KCNMB3: variants seen among roughly 807,000 people sequenced by gnomAD.
KCNMB3 encodes potassium calcium-activated channel subfamily M regulatory beta subunit 3.
KCNMB3 carries 18 observed loss-of-function variants against 11.9 expected under a neutral mutation model. That is an observed-to-expected ratio of 1.51 (90% confidence interval 1.04 to 2.23). The LOEUF is 2.23. Ranked by LOEUF, KCNMB3 falls within the 30% of genes most tolerant of loss-of-function variation. The pLI is 0.00. For synonymous variants in KCNMB3, 78 were observed against 119.2 expected (o/e 0.65, Z 2.25); for missense variants, 247 against 329.4 (o/e 0.75, Z 1.94).
At chr3:179,248,864 T>TA (rs1485082179) in intron 1 of KCNMB3, among the ~76,000 whole-genome samples, 9 of 151,966 alleles carry the variant, frequency 5.9e-5, no homozygotes, top group African/African-American at 2.2e-4. Flanking sequence ...TAAGCTAGAA[T>TA]AGCCAGGCAC....
At chr3:179,254,637 C>G (rs567882772), upstream of KCNMB3, among the ~76,000 whole-genome samples, 1 of 151,864 alleles carries the variant, frequency 6.6e-6, no homozygotes, top group Non-Finnish European at 1.5e-5. Context: ...GGTGAGAAAC[C>G]CTATCTCTAC....
intron 1 of KCNMB3, among the ~76,000 whole-genome samples, chr3:179,264,179 TTAACA>T (rs1376939631): frequency 1.3e-5 from 2 of 152,218 alleles, no homozygotes; most frequent in Admixed American, 6.5e-5. Context: ...TCTTTTTCAC[TTAACA>T]TAATAAGCAC....
At chr3:179,260,120 A>G in intron 1 of KCNMB3, 1 of 1,604,914 alleles carries the variant, frequency 6.2e-7, no homozygotes, top group Non-Finnish European at 8.5e-7. Context: ...GCCCTAAAGG[A>G]CATGAGGCCA....
upstream of KCNMB3, among the ~76,000 whole-genome samples, chr3:179,253,744 T>C (rs1051465354): frequency 9.9e-5 from 15 of 151,886 alleles, no homozygotes; most frequent in Non-Finnish European, 2.1e-4. Flanking sequence ...TGGCAGAGGT[T>C]GCAGTGAGCC....
intron 1 of KCNMB3, among the ~76,000 whole-genome samples, chr3:179,266,140 T>C (rs950947962): frequency 1.3e-5 from 2 of 152,132 alleles, no homozygotes; most frequent in African/African-American, 4.8e-5. Flanking sequence ...AGAAGTTAAG[T>C]GACTTGCCCA....
intron 1 of KCNMB3, among the ~76,000 whole-genome samples, chr3:179,257,277 T>C (rs1726041526): frequency 6.6e-6 from 1 of 152,272 alleles, no homozygotes; most frequent in South Asian, 2.1e-4. Context: ...TAAAATGTTT[T>C]TATTTCAATT....
intron 1 of KCNMB3, chr3:179,259,821 T>C: frequency 1.2e-6 from 2 of 1,604,784 alleles, no homozygotes. Flanking sequence ...GGGTTCACTT[T>C]GAGTGTCTAC....
At chr3:179,246,499 T>C (rs1476604084) in intron 1 of KCNMB3, among the ~76,000 whole-genome samples, 1 of 152,156 alleles carries the variant, frequency 6.6e-6, no homozygotes, top group African/African-American at 2.4e-5. Context: ...AAAATAATCA[T>C]TTTCCCTTAT....
chr3:179,259,791 T>C, intron 1 of KCNMB3: 1 of 1,603,144 alleles, frequency 6.2e-7, no homozygotes, highest in Non-Finnish European at 8.5e-7. Flanking sequence ...CTTTTCTTCA[T>C]CTGGCTCTTT....
chr3:179,262,676 C>T (rs1254654890), intron 1 of KCNMB3, among the ~76,000 whole-genome samples: 1 of 152,212 alleles, frequency 6.6e-6, no homozygotes, highest in Admixed American at 6.5e-5. Context: ...TTACAGAGAG[C>T]TAATTGGCCC....
In KCNMB3 at chr3:179,259,667, T is replaced by A. The variant is rs1403486908; in HGVS notation, c.62+6982A>T. The A allele has an allele frequency of 6.2e-6, 10 of 1,607,782 alleles. No individual in the cohort carries two copies. The Admixed American group carries it at 1.3e-4, about 22-fold the overall frequency. ...AATCTGTGTTCTGATAAGTTAACTC[T>A]TTTTAAACATCTTTAAGGGTTTCTA... is the stretch of plus-strand genomic sequence containing the variant. On this transcript the variant is annotated intron_variant, in intron 1 of 3. Transcript: ENST00000349697.
chr3:179,241,593 A>G (rs1019357913), downstream of KCNMB3: 1 of 152,556 alleles, frequency 6.6e-6, no homozygotes, highest in Non-Finnish European at 1.5e-5. Context: ...TTTTGAGTAT[A>G]ATAAAATTTT....
Position 179,251,055 on chromosome 3 carries a change from T to C in KCNMB3, c.-65A>G, listed in dbSNP as rs767950707. The C allele has an allele frequency of 1.2e-6, 2 of 1,614,054 alleles. No individual in the cohort carries two copies. Among genetic ancestry groups the C allele is most frequent in the African/African-American group, 2.7e-5 (2 of 74,924 alleles). The stretch of plus-strand genomic sequence containing the variant: ...GCCTACCTGTGTCTCGTGAGCAGGA[T>C]GAATGCAACAAAATGAAATCCCAGT... On this transcript the variant is annotated 5_prime_UTR_variant, in exon 1 of 3. Transcript: ENST00000392685.
intron 1 of KCNMB3, chr3:179,259,119 G>T: frequency 6.3e-7 from 1 of 1,583,904 alleles, no homozygotes; most frequent in Admixed American, 1.8e-5. Context: ...TCCTCCTGGT[G>T]CCAACAAGTC....
intron 1 of KCNMB3, chr3:179,260,917 CAT>C (rs1328676009): frequency 8.8e-7 from 1 of 1,133,316 alleles, no homozygotes; most frequent in Non-Finnish European, 1.3e-6. Flanking sequence ...CATTGGAAAA[CAT>C]AGCCTTCTTA....
intron 1 of KCNMB3, among the ~76,000 whole-genome samples, chr3:179,261,946 T>C (rs948046487): frequency 9.2e-5 from 14 of 152,346 alleles, no homozygotes; most frequent in Middle Eastern, 6.8e-3. Flanking sequence ...CAAACATGAA[T>C]GTTAAAAATT....
chr3:179,259,601 G>T, intron 1 of KCNMB3: 1 of 1,608,408 alleles, frequency 6.2e-7, no homozygotes, highest in Non-Finnish European at 8.5e-7. Flanking sequence ...CTGACTTTCT[G>T]TCAGTAGACT....
intron 1 of KCNMB3, chr3:179,258,966 A>G: frequency 6.2e-7 from 1 of 1,614,080 alleles, no homozygotes; most frequent in Non-Finnish European, 8.5e-7. Context: ...TGGAGAGAAA[A>G]GAGCCCCTCA....
chr3:179,240,859 C>T (rs1725437510), downstream of KCNMB3: 1 of 152,114 alleles, frequency 6.6e-6, no homozygotes, highest in Non-Finnish European at 1.5e-5. Context: ...GAGATGTGCC[C>T]TTGAGAAAAG....
Sources: gnomAD v4.1 joint callset for allele counts (sites outside exome capture counted in the v4.1 genomes callset) on GRCh38, gnomAD v4.1.1 for gene constraint, MANE v1.5 for transcripts, NCBI Gene and HGNC (gene_info 2026-07-23, HGNC 2026-07-21) for gene names.